The following EPB41 variants were observed in gnomAD, a reference collection of about 807,000 sequenced individuals.
EPB41 encodes the protein protein 4.1.
In EPB41, 65 loss-of-function variants were observed where a neutral mutation model predicts 108.0. The observed-to-expected ratio is 0.60, with a 90% CI of 0.49 to 0.74. The LOEUF is 0.74. Ranked by LOEUF, EPB41 falls within the 30% of genes least tolerant of loss-of-function variation. EPB41 has a pLI of 0.00. For synonymous variants in EPB41, 336 were observed against 358.9 expected, an observed-to-expected ratio of 0.94 and a Z score of 0.72; for missense variants, 875 against 1,037.0, an observed-to-expected ratio of 0.84 and a Z score of 2.15.
At chr1:29,046,677 G>T (rs925214016) in intron 11 of EPB41, among the ~76,000 whole-genome samples, 4 of 151,928 alleles carry the variant, frequency 2.6e-5, no homozygotes, top group African/African-American at 9.7e-5. Context: ...TCCTTATATG[G>T]TATTTTCTTT....
At chr1:29,070,165 A>G in intron 16 of EPB41, 1 of 386,320 alleles carries the variant, frequency 2.6e-6, no homozygotes, top group Non-Finnish European at 4.6e-6. Context: ...TCACTCAAAA[A>G]GGTATCTATT....
Position 29,024,910 on chromosome 1 carries a change from G to A in EPB41, c.1125-5490G>A, listed in dbSNP as rs1420298954. Among the ~76,000 whole-genome samples the A allele has an allele frequency of 3.3e-5, 5 of 152,080 alleles. No individual in the cohort carries two copies. In the South Asian group the frequency reaches 8.3e-4, roughly 25 times the overall value. ...GAATTTACTTGCTCCTTTTTGGAAAGATTTGCAACCCTCACAAACCCAAAG... is the reference window on the plus strand; with the variant it reads ...GAATTTACTTGCTCCTTTTTGGAAAAATTTGCAACCCTCACAAACCCAAAG... On this transcript the variant is annotated intron_variant, in intron 7 of 20. Coordinates refer to ENST00000343067, the MANE Select transcript of EPB41 (RefSeq NM_001376013.1).
At chr1:29,081,016 C>T (rs1224834144) in intron 16 of EPB41, among the ~76,000 whole-genome samples, 1 of 152,146 alleles carries the variant, frequency 6.6e-6, no homozygotes, top group African/African-American at 2.4e-5. Context: ...CCTCTGTTTT[C>T]AGCCGATCAG....
Position 29,115,826 on chromosome 1 carries a change from C to T in EPB41, c.*6+23C>T, listed in dbSNP as rs765734057. The stretch of plus-strand genomic sequence containing the variant: ...CAGGTACTGGGCGTTCCTGCTGGGG[C>T]TGAGGGTGCCCACAGTCCCAGCCTG... On this transcript the variant is annotated intron_variant, in intron 20 of 20. Transcript: ENST00000343067. The surrounding 1 kb of genome is among the most constrained non-coding windows in gnomAD (Gnocchi z 4.4). 1 of 1,580,030 alleles carries T rather than the reference C, an allele frequency of 6.3e-7. No individual in the cohort carries two copies. The highest frequency in any genetic ancestry group is 1.1e-5 in the South Asian group (1 of 90,424).
chr1:28,973,434 G>A (rs888104469), intron 1 of EPB41, among the ~76,000 whole-genome samples: 1 of 152,044 alleles, frequency 6.6e-6, no homozygotes, highest in African/African-American at 2.4e-5. Flanking sequence ...CTGTCAACCA[G>A]GCTGGAGTGC....
In EPB41 at chr1:29,053,121, G is replaced by A. The variant is rs762208100; in HGVS notation, c.1654G>A (p.Ala552Thr). ...TCACATAGCAGCAGCTGTCGATTCG[G>A]CAGACCGAAGTCCTCGGCCCACTTC... The part of the protein sequence containing the change: ...SLDGAAAVDS[A>T]DRSPRPTSAP... Residue 552 changes from alanine to threonine, a missense_variant, in exon 12 of 21, where the codon GCA (alanine) becomes ACA (threonine). Transcript: ENST00000343067. 8 of 1,613,908 alleles carry A rather than the reference G, an allele frequency of 5.0e-6. No individual in the cohort carries two copies. The highest frequency in any genetic ancestry group is 3.3e-4 in the Middle Eastern group (2 of 6,004).
intron 19 of EPB41, 41 bp downstream of exon 19, chr1:29,112,489 G>C: frequency 6.4e-7 from 1 of 1,555,646 alleles, no homozygotes; most frequent in Non-Finnish European, 8.9e-7. Context: ...AGGGGTCCCT[G>C]GGCAGGAAGA....
intron 16 of EPB41, 49 bp from the exon 17 acceptor site, chr1:29,097,758 C>G: frequency 6.2e-7 from 1 of 1,604,560 alleles, no homozygotes; most frequent in Non-Finnish European, 8.5e-7. Context: ...GATTACTTCT[C>G]CATTGCCTTC....
Position 29,033,229 on chromosome 1 carries a change from A to T in EPB41, c.1349A>T (p.Lys450Met). The change falls in exon 9 of 21, where the codon AAG becomes ATG. Residue 450 changes from lysine to methionine, a missense_variant. This residue lies in a region of EPB41 where 519 missense variants were observed against 627.3 expected (regional missense o/e 0.83). Coordinates refer to ENST00000343067, the MANE Select transcript of EPB41 (RefSeq NM_001376013.1). ...TATAAACGTAGTAGCTTTTTCATCA[A>T]GATTCGGCCTGGAGAGGTACAGAAT... ...ISYKRSSFFI[K>M]IRPGEQEQYE... 1 of 1,613,972 alleles carries T rather than the reference A, an allele frequency of 6.2e-7. No individual in the cohort carries two copies. The highest frequency in any genetic ancestry group is 8.5e-7 in the Non-Finnish European group (1 of 1,179,916).
At chr1:29,000,156 T>C (rs2096267296) in intron 4 of EPB41, among the ~76,000 whole-genome samples, 1 of 151,924 alleles carries the variant, frequency 6.6e-6, no homozygotes, top group Non-Finnish European at 1.5e-5. Context: ...TGGAGTGCAA[T>C]GGTGTGATCT....
At chr1:28,913,654 T>C (rs1469528146), upstream of EPB41, among the ~76,000 whole-genome samples, 1 of 152,156 alleles carries the variant, frequency 6.6e-6, no homozygotes, top group East Asian at 1.9e-4. Context: ...TCTGCTTCAG[T>C]TTCCTCATCT....
chr1:28,960,299 C>G (rs1457602009), intron 1 of EPB41, among the ~76,000 whole-genome samples: 2 of 151,974 alleles, frequency 1.3e-5, no homozygotes, highest in Non-Finnish European at 1.5e-5. Flanking sequence ...GTGTGAGTCA[C>G]TATATCCAGT....
chr1:29,030,749 C>G (rs1434621433), intron 8 of EPB41, among the ~76,000 whole-genome samples: 1 of 151,632 alleles, frequency 6.6e-6, no homozygotes, highest in Non-Finnish European at 1.5e-5. Context: ...GCACTCCAGC[C>G]CTGGCGACAG....
chr1:28,935,478 C>T (rs959921950), intron 1 of EPB41, among the ~76,000 whole-genome samples: 8 of 123,980 alleles, frequency 6.5e-5, no homozygotes, highest in Admixed American at 5.4e-4. Context: ...CCCCCCCCCC[C>T]CCAAGATCTA....
In EPB41 at chr1:29,066,687, C is replaced by G. The variant is rs191200847; in HGVS notation, c.2184+1529C>G. 1.9e-3 allele frequency among the ~76,000 whole-genome samples: 287 copies of G among 151,032 alleles called. 1 individual carries two copies. Among genetic ancestry groups the G allele is most frequent in the African/African-American group, 6.6e-3 (274 of 41,254 alleles). On this transcript the variant is annotated intron_variant, in intron 16 of 20. Transcript: ENST00000343067. ...ATTTTAAAACTTTTTTTTTCCCTTT[C>G]TTTGAGATGGAGTTTCACTCTTGTT... is the stretch of plus-strand genomic sequence containing the variant.
intron 1 of EPB41, among the ~76,000 whole-genome samples, chr1:28,970,659 C>T (rs1037816956): frequency 9.9e-5 from 15 of 152,114 alleles, no homozygotes; most frequent in African/African-American, 1.9e-4. Context: ...CTTTTAATCT[C>T]AACTTGGAAA....
intron 16 of EPB41, among the ~76,000 whole-genome samples, chr1:29,091,593 A>G (rs1489028408): frequency 1.3e-5 from 2 of 152,208 alleles, no homozygotes; most frequent in East Asian, 3.8e-4. Flanking sequence ...AGAATTTACA[A>G]TATGGTTTCA....
At chr1:28,998,314 G>C (rs1227507010) in intron 4 of EPB41, among the ~76,000 whole-genome samples, 2 of 152,166 alleles carry the variant, frequency 1.3e-5, no homozygotes, top group Admixed American at 6.5e-5. Context: ...CATCTAGCCT[G>C]GCTGAACATA....
intron 8 of EPB41, 70 bp downstream of exon 8, chr1:29,030,557 G>A (rs1483282048): frequency 1.7e-5 from 19 of 1,125,290 alleles, no homozygotes; most frequent in Non-Finnish European, 2.6e-5. Flanking sequence ...TGTTATGTAT[G>A]TATCACATCT....
Sources: gnomAD v4.1 joint callset for allele counts (sites outside exome capture counted in the v4.1 genomes callset) on GRCh38, gnomAD v4.1.1 for gene constraint, gnomAD v4.1.1 regional missense constraint, Gnocchi (gnomAD v3.1) non-coding constraint, MANE v1.5 for transcripts, NCBI Gene and HGNC (gene_info 2026-07-23, HGNC 2026-07-21) for gene names.